Variants in CLDN12 observed in about 807,000 individuals in gnomAD.
CLDN12 encodes the protein claudin-12.
In CLDN12, 9 loss-of-function variants were observed where a neutral mutation model predicts 15.5. The observed-to-expected ratio is 0.58, with a 90% confidence interval of 0.35 to 1.02. CLDN12 has a LOEUF of 1.02. Ranked by LOEUF, CLDN12 falls within the 50% of genes least tolerant of loss-of-function variation. CLDN12 has a pLI of 0.02. For synonymous variants in CLDN12, 140 were observed against 121.6 expected (o/e 1.15, Z -1.00); for missense variants, 233 against 297.3 (o/e 0.78, Z 1.59).
chr7:90,413,335 A>G lies in CLDN12; in HGVS notation c.659A>G (p.Tyr220Cys). The G allele has an allele frequency of 6.2e-7, 1 of 1,614,104 alleles. No homozygotes were observed. Among genetic ancestry groups the G allele is most frequent in the East Asian group, 2.2e-5 (1 of 44,876 alleles). Residue 220 changes from tyrosine to cysteine, a missense_variant, in exon 4 of 4, where the codon TAC becomes TGC. Transcript: ENST00000496677. The stretch of plus-strand genomic sequence containing the variant: ...TCCCATCCACCCAGTATGCATACTT[A>G]CTCACAGCCCTATTCAGCACGCTCT... ...LYSHPPSMHT[Y>C]SQPYSARSRL...
rs763690839 is a variant in CLDN12 at position 90,413,298 on chromosome 7, C to G, written c.622C>G (p.Gln208Glu). 1 of 1,614,074 alleles carries G rather than the reference C, an allele frequency of 6.2e-7. No homozygotes were observed. Among genetic ancestry groups the G allele is most frequent in the African/African-American group, 1.3e-5 (1 of 74,934 alleles). Residue 208 changes from glutamine (Q) to glutamate (E), a missense_variant, in exon 4 of 4, where the codon CAA (glutamine) becomes GAA (glutamate). Gln to Glu is a conservative substitution (Grantham distance 29). Transcript: ENST00000496677. ...CAAATCTTTGCCTTCTCCTTTCTGG[C>G]AACCATTGTACTCCCATCCACCCAG... ...TCKSLPSPFW[Q>E]PLYSHPPSMH...
chr7:90,412,889 C>T lies in CLDN12; in HGVS notation c.213C>T (p.Asp71=). The T allele has an allele frequency of 1.2e-6, 2 of 1,614,220 alleles. No homozygotes were observed. Among genetic ancestry groups the T allele is most frequent in the Non-Finnish European group, 1.7e-6 (2 of 1,180,040 alleles). ...YDGSSDCLMY[D]TTWYSSVDQL... ...GGAGCAGTGACTGCCTGATGTACGA[C>T]ACTACTTGGTACTCATCAGTTGACC... is the stretch of plus-strand genomic sequence containing the variant. Residue 71 remains aspartate, a synonymous_variant, in exon 4 of 4, where the codon GAC becomes GAT. Coordinates refer to ENST00000496677, the MANE Select transcript of CLDN12 (RefSeq NM_001185072.3).
chr7:90,408,191 T>C (rs1796881362), intron 2 of CLDN12, among the ~76,000 whole-genome samples: 1 of 152,184 alleles, frequency 6.6e-6, no homozygotes, highest in Non-Finnish European at 1.5e-5. Context: ...TCAAACATAT[T>C]CTTTCCCCAA....
In CLDN12 at chr7:90,413,040, C is replaced by T; in HGVS notation, c.364C>T (p.Leu122=). 6.2e-7 allele frequency: 1 copy of T among 1,614,226 alleles called. No individual in the cohort carries two copies. Among genetic ancestry groups the T allele is most frequent in the Non-Finnish European group, 8.5e-7 (1 of 1,180,046 alleles). The change falls in exon 4 of 4, where the codon CTG becomes TTG. Residue 122 remains leucine, a synonymous_variant. Coordinates refer to ENST00000496677, the MANE Select transcript of CLDN12 (RefSeq NM_001185072.3). Reference sequence around the variant, plus strand: ...CAGGTCCTCGGTGCCCAACATCAAACTGGCCAAGTGTCTGGTCAATAGTGC... The same window carrying T: ...CAGGTCCTCGGTGCCCAACATCAAATTGGCCAAGTGTCTGGTCAATAGTGC... The part of the protein sequence containing the change: ...AFRSSVPNIK[L]AKCLVNSAGC...
At chr7:90,412,395 C>A in intron 3 of CLDN12, 1 of 375,352 alleles carries the variant, frequency 2.7e-6, no homozygotes, top group East Asian at 4.1e-5. Flanking sequence ...AGAAAAATAC[C>A]GATGGCTAAA....
rs1349222438 is a variant in CLDN12, at chr7:90,414,345, G to T, written c.*934G>T. The stretch of plus-strand genomic sequence containing the variant: ...CCTTTTGAGTTATGGGTGAAGTAAG[G>T]TATGGCTTTACCATAACCTTGATTC... On this transcript the variant is annotated 3_prime_UTR_variant, in exon 4 of 4. Transcript: ENST00000496677. The T allele has an allele frequency of 2.0e-6, 2 of 1,000,196 alleles. No individual in the cohort carries two copies. The highest frequency in any genetic ancestry group is 2.4e-6 in the Non-Finnish European group (2 of 829,980). The allele number at this position is 1,000,196 out of a possible 1,614,324, so 62.0% of individuals were successfully genotyped here.
chr7:90,415,807 C>T lies in CLDN12; in HGVS notation c.*2396C>T, dbSNP rs1797060420. ...GTGGATGTATCAGATTTGGTTTATC[C>T]AGCCATGGGAGAGAAAACAAACCTA... On this transcript the variant is annotated 3_prime_UTR_variant, in exon 4 of 4. Coordinates refer to ENST00000496677, the MANE Select transcript of CLDN12 (RefSeq NM_001185072.3). 1 of 166,974 alleles carries T rather than the reference C, an allele frequency of 6.0e-6. No individual in the cohort carries two copies. Among genetic ancestry groups the T allele is most frequent in the African/African-American group, 2.4e-5 (1 of 41,424 alleles). 10.3% of individuals were successfully genotyped at this position (166,974 alleles called of 1,614,324 possible). A position where few individuals can be genotyped will look rare whatever the true frequency, so the allele number is the denominator to read the frequency against.
chr7:90,409,933 A>G (rs1048939302), intron 2 of CLDN12, among the ~76,000 whole-genome samples: 1 of 152,202 alleles, frequency 6.6e-6, no homozygotes, highest in Non-Finnish European at 1.5e-5. Context: ...TGATGTAAGT[A>G]CTTGCTGAAT....
intron 2 of CLDN12, among the ~76,000 whole-genome samples, chr7:90,406,827 T>C (rs1353445789): frequency 6.6e-6 from 1 of 152,216 alleles, no homozygotes; most frequent in Admixed American, 6.5e-5. Context: ...CAGCTAGTAC[T>C]CATGACTGCT....
At chr7:90,411,896 A>T (rs530391270) in intron 2 of CLDN12, 111 bp from the exon 3 acceptor site, 1 of 152,330 alleles carries the variant, frequency 6.6e-6, no homozygotes, top group Non-Finnish European at 1.5e-5. Context: ...AACACTTGGC[A>T]TAGCATTTGT....
chr7:90,415,663 A>G lies in CLDN12; in HGVS notation c.*2252A>G, dbSNP rs1369822644. On this transcript the variant is annotated 3_prime_UTR_variant, in exon 4 of 4. Coordinates refer to ENST00000496677, the MANE Select transcript of CLDN12 (RefSeq NM_001185072.3). Reference sequence around the variant, plus strand: ...GAAAATAATTATTTACAGTTTTTGAAGTCACTTTTGAGCCCTCATCAAGCT... The same window carrying G: ...GAAAATAATTATTTACAGTTTTTGAGGTCACTTTTGAGCCCTCATCAAGCT... 1 of 167,164 alleles carries G rather than the reference A, an allele frequency of 6.0e-6. No homozygotes were observed. The highest frequency in any genetic ancestry group is 2.1e-4 in the South Asian group (1 of 4,820). 10.4% of individuals were successfully genotyped at this position (167,164 alleles called of 1,614,324 possible).
chr7:90,415,473 T>C lies in CLDN12; in HGVS notation c.*2062T>C, dbSNP rs1012698606. On this transcript the variant is annotated 3_prime_UTR_variant, in exon 4 of 4. Transcript: ENST00000496677. ...ACAGTTTTTTTAGTCCATGGGATTG[T>C]AAATATAAACATTAACTTTCCTATA... 1 of 166,738 alleles carries C rather than the reference T, an allele frequency of 6.0e-6. No homozygotes were observed. Among genetic ancestry groups the C allele is most frequent in the Non-Finnish European group, 1.5e-5 (1 of 68,096 alleles). The allele number at this position is 166,738 out of a possible 1,614,324, so 10.3% of individuals were successfully genotyped here.
intron 1 of CLDN12, among the ~76,000 whole-genome samples, chr7:90,405,158 G>T (rs981088083): frequency 3.3e-5 from 5 of 152,152 alleles, no homozygotes; most frequent in African/African-American, 1.2e-4. Context: ...CACCTCCCAG[G>T]TTCAAGCGGT....
chr7:90,412,675 C>A lies in CLDN12; in HGVS notation c.-2C>A. 6.2e-7 allele frequency: 1 copy of A among 1,609,384 alleles called. No homozygotes were observed. The highest frequency in any genetic ancestry group is 1.7e-5 in the Admixed American group (1 of 59,852). On this transcript the variant is annotated 5_prime_UTR_variant, in exon 4 of 4. Coordinates refer to ENST00000496677, the MANE Select transcript of CLDN12 (RefSeq NM_001185072.3). ...TGACAGTACTCCACAAGCTTGCCTG[C>A]CATGGGCTGTCGGGATGTCCACGCA...
Position 90,415,736 on chromosome 7 carries a change from T to C in CLDN12, c.*2325T>C, listed in dbSNP as rs1797059374. The C allele has an allele frequency of 6.0e-6, 1 of 167,108 alleles. No individual in the cohort carries two copies. The highest frequency in any genetic ancestry group is 6.5e-5 in the Admixed American group (1 of 15,292). 10.4% of individuals were successfully genotyped at this position (167,108 alleles called of 1,614,324 possible). ...CTTTTTGTTGTTAAAAGCCTATTAT[T>C]GTTAAAGGCCTTTTATGGAAACCAA... On this transcript the variant is annotated 3_prime_UTR_variant, in exon 4 of 4. Coordinates refer to ENST00000496677, the MANE Select transcript of CLDN12 (RefSeq NM_001185072.3).
rs1797029921 is a variant in CLDN12, at chr7:90,414,219, A to G, written c.*808A>G. The G allele has an allele frequency of 1.0e-6, 1 of 1,000,294 alleles. No homozygotes were observed. The highest frequency in any genetic ancestry group is 1.2e-6 in the Non-Finnish European group (1 of 830,002). The allele number at this position is 1,000,294 out of a possible 1,614,324, so 62.0% of individuals were successfully genotyped here. ...ATCTCTTAGTGGCTAGGAGAAATAA[A>G]TAAAAGGGCCATAATGGTTTGTTCT... On this transcript the variant is annotated 3_prime_UTR_variant, in exon 4 of 4. Transcript: ENST00000496677.
At position 90,414,385 on chromosome 7, in the gene CLDN12, C is replaced by A. The variant is rs906996301; in HGVS notation, c.*974C>A. On this transcript the variant is annotated 3_prime_UTR_variant, in exon 4 of 4. Coordinates refer to ENST00000496677, the MANE Select transcript of CLDN12 (RefSeq NM_001185072.3). The stretch of plus-strand genomic sequence containing the variant: ...AACCTTGATTCATTCACCCTTGATT[C>A]ATTTCTCGCCCCCGTCACTGATTAT... 1.0e-6 allele frequency: 1 copy of A among 1,000,130 alleles called. No individual in the cohort carries two copies. The highest frequency in any genetic ancestry group is 1.7e-5 in the African/African-American group (1 of 57,236). 62.0% of individuals were successfully genotyped at this position (1,000,130 alleles called of 1,614,324 possible). A position where few individuals can be genotyped will look rare whatever the true frequency, so the allele number is the denominator to read the frequency against.
Position 90,414,001 on chromosome 7 carries a change from G to A in CLDN12, c.*590G>A. ...GTTTAAAAGTAAAACGTATTTTAAC[G>A]ATGTTAGAATAAGACTACCATTCTA... On this transcript the variant is annotated 3_prime_UTR_variant, in exon 4 of 4. Transcript: ENST00000496677. 1.0e-6 allele frequency: 1 copy of A among 970,534 alleles called. No individual in the cohort carries two copies. Among genetic ancestry groups the A allele is most frequent in the Non-Finnish European group, 1.2e-6 (1 of 803,826 alleles). The allele number at this position is 970,534 out of a possible 1,614,324, so 60.1% of individuals were successfully genotyped here. A position where few individuals can be genotyped will look rare whatever the true frequency, so the allele number is the denominator to read the frequency against.
intron 3 of CLDN12, 110 bp from the exon 4 acceptor site, chr7:90,412,534 T>G (rs898858025): frequency 7.0e-6 from 6 of 860,042 alleles, no homozygotes; most frequent in South Asian, 5.1e-5. Flanking sequence ...AGACTTTCCC[T>G]CTTTGCATTG....
Sources: gnomAD v4.1 joint callset for allele counts (sites outside exome capture counted in the v4.1 genomes callset) on GRCh38, gnomAD v4.1.1 for gene constraint, MANE v1.5 for transcripts, NCBI Gene and HGNC (gene_info 2026-07-23, HGNC 2026-07-21) for gene names.